Variants in SNX29 observed in about 807,000 individuals in gnomAD.
SNX29 encodes sorting nexin 29.
Under a neutral mutation model 102.1 loss-of-function variants are expected in SNX29, and 78 were observed. That is an observed-to-expected ratio of 0.76 (90% CI 0.64 to 0.92). The LOEUF is 0.92. SNX29 is among the 40% of genes least tolerant of loss of function. The probability of loss-of-function intolerance (pLI) is 0.00; values close to 1 mark genes in which losing one functional copy is unlikely to be tolerated. For synonymous variants in SNX29, 580 were observed against 414.5 expected, an observed-to-expected ratio of 1.40 and a Z score of -4.85; for missense variants, 1,280 against 1,061.7, an observed-to-expected ratio of 1.21 and a Z score of -2.86.
chr16:12,451,963 G>C (rs184232282), intron 18 of SNX29, among the ~76,000 whole-genome samples: 47 of 152,320 alleles, frequency 3.1e-4, no homozygotes, highest in Admixed American at 7.8e-4. Flanking sequence ...CTTTGGCCTG[G>C]ATAAGCAGCT....
chr16:12,363,843 G>C (rs1166666942), intron 16 of SNX29, among the ~76,000 whole-genome samples: 1 of 152,154 alleles, frequency 6.6e-6, no homozygotes, highest in Non-Finnish European at 1.5e-5. Context: ...CATTATACTT[G>C]TGGGTTGAGC....
intron 15 of SNX29, among the ~76,000 whole-genome samples, chr16:12,310,674 G>T (rs184075538): frequency 6.6e-6 from 1 of 152,322 alleles, no homozygotes; most frequent in Admixed American, 6.5e-5. Flanking sequence ...GGAACCTTTG[G>T]GGGTGGTGGA....
intron 20 of SNX29, among the ~76,000 whole-genome samples, chr16:12,557,164 G>A (rs2078420628): frequency 6.6e-6 from 1 of 152,110 alleles, no homozygotes; most frequent in Non-Finnish European, 1.5e-5. Flanking sequence ...TTCCATTTTG[G>A]CTATGTTCAA....
At chr16:12,139,613 T>C (rs1040697429) in intron 13 of SNX29, among the ~76,000 whole-genome samples, 2 of 152,184 alleles carry the variant, frequency 1.3e-5, no homozygotes, top group African/African-American at 4.8e-5. Flanking sequence ...CTGTGGATGG[T>C]CGTTTGCCCC....
chr16:12,473,366 G>A (rs1277927275), intron 18 of SNX29, among the ~76,000 whole-genome samples: 2 of 152,192 alleles, frequency 1.3e-5, no homozygotes, highest in East Asian at 1.9e-4. Flanking sequence ...AGGTGAGACT[G>A]GAATGTCTGA....
intron 11 of SNX29, among the ~76,000 whole-genome samples, chr16:12,100,497 A>C (rs350234): frequency 6.6e-6 from 1 of 151,838 alleles, no homozygotes; most frequent in Non-Finnish European, 1.5e-5. Context: ...GGTAAAGTAA[A>C]GATGGACAAG....
intron 15 of SNX29, among the ~76,000 whole-genome samples, chr16:12,355,221 T>G (rs1271077994): frequency 6.6e-6 from 1 of 152,212 alleles, no homozygotes; most frequent in East Asian, 1.9e-4. Flanking sequence ...TGAGTTACCC[T>G]TCATACAACA....
chr16:12,259,319 C>T (rs549194972), intron 14 of SNX29, among the ~76,000 whole-genome samples: 1 of 152,154 alleles, frequency 6.6e-6, no homozygotes, highest in Non-Finnish European at 1.5e-5. Flanking sequence ...CCTGGCTGCT[C>T]GTTCTACCCC....
intron 14 of SNX29, among the ~76,000 whole-genome samples, chr16:12,274,404 A>T (rs1324067393): frequency 6.6e-6 from 1 of 152,140 alleles, no homozygotes; most frequent in Non-Finnish European, 1.5e-5. Flanking sequence ...CTGGACATTC[A>T]TTGAACTCTT....
At chr16:12,449,037 A>T (rs1230759763) in intron 18 of SNX29, among the ~76,000 whole-genome samples, 2 of 152,112 alleles carry the variant, frequency 1.3e-5, no homozygotes, top group African/African-American at 2.4e-5. Flanking sequence ...TACATGTACT[A>T]CGCAACCTAA....
intron 16 of SNX29, among the ~76,000 whole-genome samples, chr16:12,394,119 A>G (rs1324717594): frequency 6.6e-6 from 1 of 152,220 alleles, no homozygotes; most frequent in Non-Finnish European, 1.5e-5. Context: ...CAGCAAAATA[A>G]AATCAGAAAA....
chr16:12,526,648 T>C lies in SNX29; in HGVS notation c.2318+1807T>C, dbSNP rs1359616676. On this transcript the variant is annotated intron_variant, in intron 20 of 20. Transcript: ENST00000566228. ...CATGGCCCAGGGTGCACGGGGGAATTAGCCTCTCGCGGAGTCATCACGCAT... is the reference window on the plus strand; with the variant it reads ...CATGGCCCAGGGTGCACGGGGGAATCAGCCTCTCGCGGAGTCATCACGCAT... The C allele has an allele frequency of 2.5e-5, 13 of 526,914 alleles. No homozygotes were observed. In the East Asian group the frequency reaches 4.7e-4, roughly 19 times the overall value. The allele number at this position is 526,914 out of a possible 1,614,324, so 32.6% of individuals were successfully genotyped here. A position where few individuals can be genotyped will look rare whatever the true frequency, so the allele number is the denominator to read the frequency against.
At chr16:12,003,639 T>C (rs1048347180) in intron 3 of SNX29, among the ~76,000 whole-genome samples, 1 of 152,216 alleles carries the variant, frequency 6.6e-6, no homozygotes, top group African/African-American at 2.4e-5. Flanking sequence ...GGGGTAAGAA[T>C]ACTGGGAATA....
rs2141575873 is a variant in SNX29 at position 12,569,180 on chromosome 16, T to G, written c.*551T>G. On this transcript the variant is annotated 3_prime_UTR_variant, in exon 21 of 21. Coordinates refer to ENST00000566228, the MANE Select transcript of SNX29 (RefSeq NM_032167.5). ...TCACTGCATTTTCCACCAACAGTCATTAGACACCTGGCACTGTCACAGCTC... is the reference window on the plus strand; with the variant it reads ...TCACTGCATTTTCCACCAACAGTCAGTAGACACCTGGCACTGTCACAGCTC... 1 of 205,954 alleles carries G rather than the reference T, an allele frequency of 4.9e-6. No individual in the cohort carries two copies. Among genetic ancestry groups the G allele is most frequent in the East Asian group, 7.7e-5 (1 of 13,046 alleles). The allele number at this position is 205,954 out of a possible 1,614,324, so 12.8% of individuals were successfully genotyped here. A position where few individuals can be genotyped will look rare whatever the true frequency, so the allele number is the denominator to read the frequency against.
At position 12,561,006 on chromosome 16, in the gene SNX29, A is replaced by C. The variant is rs74558185; in HGVS notation, c.2319-7500A>C. 6.5e-3 allele frequency: 1,420 copies of C among 217,630 alleles called. 22 individuals carry two copies. Among genetic ancestry groups the C allele is most frequent in the African/African-American group, 0.03 (1,355 of 44,550 alleles). 13.5% of individuals were successfully genotyped at this position (217,630 alleles called of 1,614,324 possible). ...GTACTGCCAGAGCCATTTCTGGATC[A>C]GTTGTGGATGGTGGAAGTCTTGGAG... On this transcript the variant is annotated intron_variant, in intron 20 of 20. Coordinates refer to ENST00000566228, the MANE Select transcript of SNX29 (RefSeq NM_032167.5).
intron 20 of SNX29, among the ~76,000 whole-genome samples, chr16:12,539,415 G>T (rs1007145916): frequency 6.6e-6 from 1 of 152,160 alleles, no homozygotes; most frequent in Non-Finnish European, 1.5e-5. Context: ...TCAAGTCGTT[G>T]GGTGAGTCAG....
At chr16:12,019,711 C>G (rs2056963740) in intron 3 of SNX29, among the ~76,000 whole-genome samples, 1 of 151,264 alleles carries the variant, frequency 6.6e-6, no homozygotes, top group Admixed American at 6.6e-5. Flanking sequence ...TCTTGGCTCA[C>G]TGCAAACCTC....
intron 1 of SNX29, among the ~76,000 whole-genome samples, chr16:11,989,047 A>T (rs1209617290): frequency 6.6e-6 from 1 of 151,722 alleles, no homozygotes; most frequent in African/African-American, 2.4e-5. Context: ...ATCTCAGCTT[A>T]TTGCAACCTT....
intron 15 of SNX29, among the ~76,000 whole-genome samples, chr16:12,296,911 C>A (rs1353761832): frequency 6.6e-6 from 1 of 152,210 alleles, no homozygotes; most frequent in East Asian, 1.9e-4. Flanking sequence ...ACCACATAAT[C>A]GTTTGTCATG....
Sources: allele counts gnomAD v4.1 joint callset (sites outside exome capture counted in the v4.1 genomes callset), GRCh38; gene constraint gnomAD v4.1.1; transcripts MANE v1.5; gene names NCBI Gene and HGNC (gene_info 2026-07-23, HGNC 2026-07-21).